ADAMTSL3: variants seen among roughly 807,000 people sequenced by gnomAD.
ADAMTSL3 encodes ADAMTS-like protein 3.
ADAMTSL3 carries 128 observed loss-of-function variants against 201.7 expected under a neutral mutation model. That is an observed-to-expected ratio of 0.63 (90% CI 0.55 to 0.73). ADAMTSL3 has a LOEUF of 0.73. Ranked by LOEUF, ADAMTSL3 falls within the 30% of genes least tolerant of loss-of-function variation. ADAMTSL3 has a pLI of 0.00. For synonymous variants in ADAMTSL3, 738 were observed against 748.4 expected (o/e 0.99, Z 0.23); for missense variants, 1,990 against 2,119.6 (o/e 0.94, Z 1.20).
chr15:83,942,848 T>C, intron 18 of ADAMTSL3, 55 bp from the exon 19 acceptor site: 1 of 1,605,320 alleles, frequency 6.2e-7, no homozygotes, highest in Non-Finnish European at 8.5e-7. Context: ...GGCCCTGCAC[T>C]GCACTAACAT....
chr15:83,903,744 C>T (rs1357400954), intron 15 of ADAMTSL3, among the ~76,000 whole-genome samples: 2 of 151,072 alleles, frequency 1.3e-5, no homozygotes, highest in Admixed American at 6.6e-5. Context: ...ATGGTAAAAC[C>T]CTGTCTCTAC....
At chr15:83,878,011 T>C (rs2141846930) in intron 9 of ADAMTSL3, among the ~76,000 whole-genome samples, 1 of 152,336 alleles carries the variant, frequency 6.6e-6, no homozygotes, top group Non-Finnish European at 1.5e-5. Flanking sequence ...ATAATGAAGA[T>C]GGCAGCTGTC....
At chr15:83,856,968 CTTG>C (rs1254183167) in intron 7 of ADAMTSL3, among the ~76,000 whole-genome samples, 2 of 152,068 alleles carry the variant, frequency 1.3e-5, no homozygotes, top group Non-Finnish European at 2.9e-5. Context: ...CTCACCAATA[CTTG>C]TTATTTTCTG....
intron 17 of ADAMTSL3, among the ~76,000 whole-genome samples, chr15:83,936,318 TATAAC>T (rs1181142376): frequency 3.3e-5 from 5 of 150,346 alleles, no homozygotes; most frequent in African/African-American, 5.0e-5. Context: ...AAAAATAAAA[TATAAC>T]AGAGGGGAAA....
chr15:83,832,139 G>T (rs960034965), intron 6 of ADAMTSL3, among the ~76,000 whole-genome samples: 1 of 152,132 alleles, frequency 6.6e-6, no homozygotes, highest in Non-Finnish European at 1.5e-5. Context: ...TTGTTTGATG[G>T]CCTCAATTGA....
intron 20 of ADAMTSL3, among the ~76,000 whole-genome samples, chr15:83,971,300 G>A (rs1596481163): frequency 6.6e-6 from 1 of 152,136 alleles, no homozygotes; most frequent in African/African-American, 2.4e-5. Flanking sequence ...GCTCACGCCT[G>A]TAATCCTAGC....
At chr15:83,846,465 C>T (rs764031116) in intron 7 of ADAMTSL3, among the ~76,000 whole-genome samples, 18 of 152,114 alleles carry the variant, frequency 1.2e-4, no homozygotes, top group Admixed American at 4.6e-4. Context: ...AGAGGTGCAC[C>T]GAGGCTTAGA....
At chr15:83,749,850 A>C in intron 3 of ADAMTSL3, among the ~76,000 whole-genome samples, 1 of 152,168 alleles carries the variant, frequency 6.6e-6, no homozygotes, top group East Asian at 1.9e-4. Flanking sequence ...GCTCTTTGTC[A>C]TTGACTTGAC....
chr15:83,956,874 C>T (rs577128669), intron 19 of ADAMTSL3, among the ~76,000 whole-genome samples: 41 of 152,260 alleles, frequency 2.7e-4, no homozygotes, highest in Non-Finnish European at 4.1e-4. Flanking sequence ...GCCTTACAAA[C>T]TCACTCATTT....
rs113972209 is a variant in ADAMTSL3, at chr15:84,036,991, C to G, written c.4969+4C>G. The G allele has an allele frequency of 3.3e-4, 527 of 1,613,520 alleles. 4 individuals are homozygous for G. The African/African-American group carries it at 6.4e-3, about 20-fold the overall frequency. ...TGTCTTGGGCCCTCCTGTGATAGTA[C>G]GTACACCTCCCAGGTATCTCCACTG... On this transcript the variant is annotated splice_donor_region_variant and intron_variant, in intron 29 of 29. Transcript: ENST00000286744.
At chr15:83,752,642 A>G (rs1336592169) in intron 3 of ADAMTSL3, among the ~76,000 whole-genome samples, 2 of 152,160 alleles carry the variant, frequency 1.3e-5, no homozygotes, top group African/African-American at 2.4e-5. Context: ...TATATTTGCA[A>G]TATCTAATAT....
At chr15:83,997,419 C>G (rs1308350046) in intron 23 of ADAMTSL3, among the ~76,000 whole-genome samples, 1 of 152,122 alleles carries the variant, frequency 6.6e-6, no homozygotes, top group Non-Finnish European at 1.5e-5. Context: ...GAAACCCTGT[C>G]TCTACTAAAA....
chr15:84,009,048 G>A (rs2067956359), intron 23 of ADAMTSL3, among the ~76,000 whole-genome samples: 1 of 152,150 alleles, frequency 6.6e-6, no homozygotes, highest in Non-Finnish European at 1.5e-5. Context: ...TCATCTCTAG[G>A]CTGGATTATC....
chr15:83,893,156 G>T (rs2065545286), intron 13 of ADAMTSL3, among the ~76,000 whole-genome samples: 1 of 152,124 alleles, frequency 6.6e-6, no homozygotes. Flanking sequence ...GTACTGTAAA[G>T]AACAAATCTG....
Position 83,819,904 on chromosome 15 carries a change from C to T in ADAMTSL3, c.457C>T (p.Arg153Ter), listed in dbSNP as rs754085044. ...YQGHYYEWLP[R>*]YNDPAAPCAL... ...GGGGCATTACTATGAATGGCTTCCA[C>T]GATATAATGATCCTGCTGCCCCGTG... Residue 153 changes from arginine (R) to a stop codon, truncating the protein, a stop_gained, in exon 6 of 30, where the codon CGA (arginine) becomes TGA (stop). Coordinates refer to ENST00000286744, the MANE Select transcript of ADAMTSL3 (RefSeq NM_207517.3). LOFTEE classifies it high-confidence loss of function. 5.6e-6 allele frequency: 9 copies of T among 1,613,982 alleles called. No homozygotes were observed. Among genetic ancestry groups the T allele is most frequent in the South Asian group, 2.2e-5 (2 of 91,086 alleles).
chr15:83,745,950 C>CT (rs1305005377), intron 3 of ADAMTSL3, among the ~76,000 whole-genome samples: 1 of 152,186 alleles, frequency 6.6e-6, no homozygotes, highest in African/African-American at 2.4e-5. Context: ...CAACAACCCT[C>CT]TATCAGTTAT....
intron 17 of ADAMTSL3, among the ~76,000 whole-genome samples, chr15:83,928,935 A>G (rs947955380): frequency 6.6e-6 from 1 of 152,082 alleles, no homozygotes; most frequent in Non-Finnish European, 1.5e-5. Context: ...TTGACCATTT[A>G]CTTTTCAGTA....
intron 16 of ADAMTSL3, among the ~76,000 whole-genome samples, chr15:83,915,814 A>G (rs1308413550): frequency 6.6e-6 from 1 of 152,140 alleles, no homozygotes; most frequent in Non-Finnish European, 1.5e-5. Context: ...GTGTTTTAGC[A>G]TGTTTCAGTA....
intron 9 of ADAMTSL3, among the ~76,000 whole-genome samples, chr15:83,884,329 C>T (rs2065343735): frequency 6.8e-6 from 1 of 147,206 alleles, no homozygotes; most frequent in African/African-American, 2.5e-5. Flanking sequence ...CTCATTGGTG[C>T]CCTATTTCCT....
Sources: allele counts gnomAD v4.1 joint callset (sites outside exome capture counted in the v4.1 genomes callset), GRCh38; gene constraint gnomAD v4.1.1; transcripts MANE v1.5; gene names NCBI Gene and HGNC (gene_info 2026-07-23, HGNC 2026-07-21).